The following ARB2A variants were observed in gnomAD, a reference collection of about 807,000 sequenced individuals.
ARB2A encodes cotranscriptional regulator ARB2A.
chr5:93,690,434 C>T, the ARB2A span, among the ~76,000 whole-genome samples: 2 of 152,112 alleles, frequency 1.3e-5, no homozygotes, highest in Non-Finnish European at 2.9e-5. Context: ...AACAAAGATG[C>T]CGGGAAGTTC....
At chr5:94,023,007 C>A in the ARB2A span, among the ~76,000 whole-genome samples, 5,569 of 152,230 alleles carry the variant, frequency 0.037, 215 homozygotes, top group East Asian at 0.16. Flanking sequence ...CATTTCCTAC[C>A]CAATAAAGTA....
the ARB2A span, among the ~76,000 whole-genome samples, chr5:93,846,152 T>C: frequency 6.6e-6 from 1 of 152,030 alleles, no homozygotes; most frequent in African/African-American, 2.4e-5. Flanking sequence ...AAGTTCTATC[T>C]TTTTCTGATA....
chr5:93,881,379 A>T, the ARB2A span: 1 of 943,538 alleles, frequency 1.1e-6, no homozygotes, highest in Non-Finnish European at 1.6e-6. Flanking sequence ...TAAAAAAATT[A>T]ATATTCTTGA....
the ARB2A span, among the ~76,000 whole-genome samples, chr5:93,751,221 T>C: frequency 6.6e-6 from 1 of 152,110 alleles, no homozygotes; most frequent in Non-Finnish European, 1.5e-5. Flanking sequence ...AGAAATTATA[T>C]AATACAACTG....
At chr5:93,774,352 C>T in the ARB2A span, among the ~76,000 whole-genome samples, 21 of 152,268 alleles carry the variant, frequency 1.4e-4, no homozygotes, top group African/African-American at 1.9e-4. Flanking sequence ...AAAATGATTC[C>T]GCTTAGGATG....
the ARB2A span, among the ~76,000 whole-genome samples, chr5:93,635,598 C>T: frequency 6.6e-6 from 1 of 151,850 alleles, no homozygotes; most frequent in Non-Finnish European, 1.5e-5. Flanking sequence ...TACCACCACA[C>T]CTAGCTAATT....
the ARB2A span, among the ~76,000 whole-genome samples, chr5:94,059,783 A>G: frequency 6.6e-6 from 1 of 152,038 alleles, no homozygotes; most frequent in South Asian, 2.1e-4. Context: ...TTCTATGCCA[A>G]CCAAAAGCAT....
At chr5:94,014,321 G>T in the ARB2A span, among the ~76,000 whole-genome samples, 1 of 152,150 alleles carries the variant, frequency 6.6e-6, no homozygotes, top group Admixed American at 6.5e-5. Context: ...TCATTTACTG[G>T]AACTGAGGTA....
At chr5:93,617,725 T>C in the ARB2A span, among the ~76,000 whole-genome samples, 1 of 152,104 alleles carries the variant, frequency 6.6e-6, no homozygotes. Context: ...CTCACCAGAC[T>C]CCTCTTGGAA....
the ARB2A span, chr5:93,740,742 T>C: frequency 5.0e-6 from 8 of 1,612,504 alleles, no homozygotes; most frequent in South Asian, 8.8e-5. Context: ...CAATCTCCCG[T>C]GGGGAAGCAT....
At chr5:93,852,502 T>C in the ARB2A span, among the ~76,000 whole-genome samples, 3 of 152,202 alleles carry the variant, frequency 2.0e-5, no homozygotes, top group African/African-American at 7.2e-5. Context: ...CCATTGCTTT[T>C]GGTGTTTTAG....
At chr5:93,649,007 A>G in the ARB2A span, among the ~76,000 whole-genome samples, 1 of 152,210 alleles carries the variant, frequency 6.6e-6, no homozygotes, top group Non-Finnish European at 1.5e-5. Flanking sequence ...TGTTCTACCT[A>G]TGTTTGTTAC....
chr5:93,760,838 T>G, the ARB2A span, among the ~76,000 whole-genome samples: 1 of 152,108 alleles, frequency 6.6e-6, no homozygotes, highest in Non-Finnish European at 1.5e-5. Flanking sequence ...AGACACTGAC[T>G]TAGACAAGGA....
the ARB2A span, among the ~76,000 whole-genome samples, chr5:93,946,341 A>G: frequency 6.6e-6 from 1 of 152,192 alleles, no homozygotes; most frequent in East Asian, 1.9e-4. Context: ...AGAGTACTCC[A>G]GAGGAAGAAC....
the ARB2A span, among the ~76,000 whole-genome samples, chr5:93,852,139 T>C: frequency 6.6e-6 from 1 of 152,126 alleles, no homozygotes; most frequent in East Asian, 1.9e-4. Flanking sequence ...TTTTAATGAT[T>C]GCCATTCTAA....
the ARB2A span, among the ~76,000 whole-genome samples, chr5:93,892,700 T>A: frequency 6.6e-6 from 1 of 152,168 alleles, no homozygotes; most frequent in Non-Finnish European, 1.5e-5. Flanking sequence ...TGTTACCTCA[T>A]CCCTTTCCCT....
chr5:93,873,999 G>A, the ARB2A span, among the ~76,000 whole-genome samples: 5 of 152,250 alleles, frequency 3.3e-5, no homozygotes, highest in African/African-American at 9.6e-5. Flanking sequence ...ATTCATTTTC[G>A]GGGGAATATA....
chr5:93,947,643 T>A, the ARB2A span, among the ~76,000 whole-genome samples: 1 of 145,472 alleles, frequency 6.9e-6, no homozygotes, highest in Non-Finnish European at 1.5e-5. Context: ...ATTAGGTATA[T>A]CTCCTAATGC....
the ARB2A span, among the ~76,000 whole-genome samples, chr5:93,873,403 G>GAAAGGA: frequency 6.8e-4 from 95 of 140,714 alleles, 3 homozygotes; most frequent in African/African-American, 2.2e-3. Flanking sequence ...AGGGGAAGGG[G>GAAAGGA]AAGGGGAAAG....
Sources: allele counts gnomAD v4.1 joint callset (sites outside exome capture counted in the v4.1 genomes callset), GRCh38; gene constraint gnomAD v4.1.1; transcripts MANE v1.5; gene names NCBI Gene and HGNC (gene_info 2026-07-23, HGNC 2026-07-21).